LINC00305: variants seen among roughly 807,000 people sequenced by gnomAD.
The protein encoded by LINC00305 is long independently transcribed non-coding RNA 305, also known as long intergenic non-protein coding RNA 305.
chr18:64,132,263 A>C (rs902767373), intron 1 of LINC00305, among the ~76,000 whole-genome samples: 1 of 152,252 alleles, frequency 6.6e-6, no homozygotes, highest in Non-Finnish European at 1.5e-5. Context: ...GAATTATTCT[A>C]GGGCATTTGC....
intron 3 of LINC00305, among the ~76,000 whole-genome samples, chr18:64,086,527 C>T (rs1159555324): frequency 6.6e-6 from 1 of 152,212 alleles, no homozygotes; most frequent in African/African-American, 2.4e-5. Flanking sequence ...GTACCAATAG[C>T]TGCTCATTTG....
intron 1 of LINC00305, chr18:64,127,419 G>A (rs750177774): frequency 1.3e-5 from 2 of 152,008 alleles, no homozygotes; most frequent in Non-Finnish European, 2.9e-5. Flanking sequence ...CGTGAGGTAC[G>A]GTGCCAAGGC....
intron 3 of LINC00305, among the ~76,000 whole-genome samples, chr18:64,081,988 T>G (rs778888269): frequency 3.3e-5 from 5 of 152,174 alleles, no homozygotes; most frequent in Non-Finnish European, 7.4e-5. Flanking sequence ...TTAAACCAAA[T>G]CACATTTGGT....
At chr18:64,121,288 T>C (rs1028373683) in intron 1 of LINC00305, among the ~76,000 whole-genome samples, 1 of 152,004 alleles carries the variant, frequency 6.6e-6, no homozygotes, top group Non-Finnish European at 1.5e-5. Context: ...TTTTAGAGTA[T>C]CCATCACCCA....
intron 1 of LINC00305, among the ~76,000 whole-genome samples, chr18:64,109,254 A>G (rs1488425701): frequency 6.6e-6 from 1 of 152,196 alleles, no homozygotes; most frequent in East Asian, 1.9e-4. Flanking sequence ...AGGAAACAGA[A>G]CTCAAGAGGG....
intron 2 of LINC00305, among the ~76,000 whole-genome samples, chr18:64,098,236 C>A (rs905837164): frequency 6.6e-6 from 1 of 152,138 alleles, no homozygotes; most frequent in Non-Finnish European, 1.5e-5. Flanking sequence ...CCTTCGTAAG[C>A]GATTCATAAA....
intron 1 of LINC00305, among the ~76,000 whole-genome samples, chr18:64,099,905 C>G (rs1019655674): frequency 6.6e-6 from 1 of 152,106 alleles, no homozygotes; most frequent in African/African-American, 2.4e-5. Context: ...TACAGCTTTT[C>G]GGAACACAAA....
chr18:64,146,252 T>A (rs2051497484), intron 1 of LINC00305, among the ~76,000 whole-genome samples: 1 of 152,170 alleles, frequency 6.6e-6, no homozygotes, highest in Non-Finnish European at 1.5e-5. Context: ...CACAGATTGT[T>A]TACAAAGAAA....
intron 1 of LINC00305, chr18:64,139,559 G>A (rs1301794729): frequency 6.6e-6 from 1 of 152,200 alleles, no homozygotes; most frequent in Non-Finnish European, 1.5e-5. Context: ...GGCAAGTTCA[G>A]GAGTCTTCCC....
intron 1 of LINC00305, among the ~76,000 whole-genome samples, chr18:64,102,681 T>A (rs2051271972): frequency 6.6e-6 from 1 of 152,096 alleles, no homozygotes; most frequent in African/African-American, 2.4e-5. Flanking sequence ...AGCTTCTGCT[T>A]CTAGGGAGAC....
At chr18:64,118,824 C>CTGTGTG (rs58215196) in intron 1 of LINC00305, among the ~76,000 whole-genome samples, 40 of 144,464 alleles carry the variant, frequency 2.8e-4, no homozygotes, top group African/African-American at 7.2e-4. Context: ...CCCTGGGGGT[C>CTGTGTG]TGTGTGTGTG....
chr18:64,092,399 A>G (rs1423052582), intron 3 of LINC00305, among the ~76,000 whole-genome samples: 4 of 152,174 alleles, frequency 2.6e-5, no homozygotes, highest in Non-Finnish European at 4.4e-5. Flanking sequence ...CGTCTCTACT[A>G]AAAATACAAA....
intron 1 of LINC00305, among the ~76,000 whole-genome samples, chr18:64,119,991 T>A (rs2051354588): frequency 6.6e-6 from 1 of 152,098 alleles, no homozygotes; most frequent in Admixed American, 6.6e-5. Context: ...GAACAGCCAA[T>A]GCCACAAAAA....
chr18:64,101,612 C>A (rs2051268256), intron 1 of LINC00305, among the ~76,000 whole-genome samples: 1 of 152,134 alleles, frequency 6.6e-6, no homozygotes, highest in Non-Finnish European at 1.5e-5. Flanking sequence ...CCACCCTAAT[C>A]CACGATGACT....
At chr18:64,109,915 C>T (rs912179827) in intron 1 of LINC00305, among the ~76,000 whole-genome samples, 73 of 152,234 alleles carry the variant, frequency 4.8e-4, no homozygotes, top group Non-Finnish European at 1.2e-4. Context: ...CCCAGGATAG[C>T]TTTGAATGCA....
intron 1 of LINC00305, among the ~76,000 whole-genome samples, chr18:64,113,767 G>C (rs2051325485): frequency 6.6e-6 from 1 of 152,184 alleles, no homozygotes; most frequent in Non-Finnish European, 1.5e-5. Flanking sequence ...CAATAACCTT[G>C]ATCTTTGCTG....
intron 3 of LINC00305, among the ~76,000 whole-genome samples, chr18:64,090,426 T>G (rs2144895022): frequency 6.6e-6 from 1 of 152,304 alleles, no homozygotes; most frequent in East Asian, 1.9e-4. Flanking sequence ...ACAATATCAG[T>G]CCTCCAGAAA....
At chr18:64,124,244 G>A (rs1393312410) in intron 1 of LINC00305, among the ~76,000 whole-genome samples, 2 of 152,082 alleles carry the variant, frequency 1.3e-5, no homozygotes, top group African/African-American at 2.4e-5. Context: ...GGTCATCCAC[G>A]GATCAGAACC....
intron 3 of LINC00305, among the ~76,000 whole-genome samples, chr18:64,089,294 A>C (rs960452139): frequency 6.6e-6 from 1 of 152,154 alleles, no homozygotes; most frequent in Admixed American, 6.5e-5. Flanking sequence ...GTCTGCTGCC[A>C]CCTTGTGAAG....
Sources: allele counts gnomAD v4.1 joint callset (sites outside exome capture counted in the v4.1 genomes callset), GRCh38; gene constraint gnomAD v4.1.1; transcripts MANE v1.5; gene names NCBI Gene and HGNC (gene_info 2026-07-23, HGNC 2026-07-21).